The following PIGX variants were observed in gnomAD, a reference collection of about 807,000 sequenced individuals.
PIGX encodes GPI alpha-1,4-mannosyltransferase I, stabilizing subunit.
A neutral mutation model predicts 28.7 loss-of-function variants in PIGX; 24 were observed. The observed-to-expected ratio is 0.84, with a 90% CI of 0.60 to 1.17. The LOEUF (loss-of-function observed/expected upper bound fraction) is 1.17, where lower values mean the gene tolerates loss of function less well. PIGX is among the 50% of genes most tolerant of loss of function. The probability of loss-of-function intolerance (pLI) is 0.00; values close to 1 mark genes in which losing one functional copy is unlikely to be tolerated. For synonymous variants in PIGX, 127 were observed against 121.0 expected (o/e 1.05, Z -0.33); for missense variants, 305 against 317.8 (o/e 0.96, Z 0.31).
At chr3:196,732,237 TATATA>T in intron 5 of PIGX, among the ~76,000 whole-genome samples, 1 of 63,208 alleles carries the variant, frequency 1.6e-5, no homozygotes, top group Non-Finnish European at 3.0e-5. Context: ...TATATATATA[TATATA>T]TATATATATA....
At chr3:196,717,998 C>T (rs1218806732) in intron 2 of PIGX, 3 of 151,948 alleles carry the variant, frequency 2.0e-5, no homozygotes, top group Non-Finnish European at 4.4e-5. Flanking sequence ...TATGTAAATT[C>T]TGATTCATTT....
chr3:196,732,266 A>T (rs1193641586), intron 5 of PIGX, among the ~76,000 whole-genome samples: 2,445 of 39,344 alleles, frequency 0.062, 127 homozygotes, highest in African/African-American at 0.09. Context: ...ATTTTATTTT[A>T]TTTTATTTTT....
intron 2 of PIGX, among the ~76,000 whole-genome samples, chr3:196,718,326 A>AG (rs1712183708): frequency 6.6e-6 from 1 of 151,716 alleles, no homozygotes; most frequent in Non-Finnish European, 1.5e-5. Context: ...GAAAAAAAAA[A>AG]GGGGGGGAAG....
intron 1 of PIGX, chr3:196,713,031 T>A: frequency 1.0e-6 from 1 of 987,358 alleles, no homozygotes; most frequent in Non-Finnish European, 1.2e-6. Flanking sequence ...AATGTAGGAC[T>A]CCGTGGCAAA....
intron 1 of PIGX, among the ~76,000 whole-genome samples, chr3:196,713,308 G>A (rs543778442): frequency 3.8e-4 from 1 of 2,646 alleles, no homozygotes; most frequent in African/African-American, 1.7e-3. Flanking sequence ...AGGCCAAGAA[G>A]ATTTTTTTTT....
intron 2 of PIGX, 115 bp downstream of exon 2, chr3:196,717,036 C>G (rs1172445076): frequency 6.3e-6 from 4 of 639,144 alleles, no homozygotes; most frequent in African/African-American, 5.6e-5. Context: ...TGCGGTGGCT[C>G]TCATCTGTAA....
chr3:196,715,548 T>TCA (rs887070484), intron 1 of PIGX, among the ~76,000 whole-genome samples: 1 of 152,264 alleles, frequency 6.6e-6, no homozygotes, highest in Non-Finnish European at 1.5e-5. Flanking sequence ...TATTCTTTTT[T>TCA]CATTCCTTCA....
chr3:196,727,111 C>T (rs1044273213), intron 3 of PIGX, among the ~76,000 whole-genome samples: 1 of 152,072 alleles, frequency 6.6e-6, no homozygotes. Context: ...TTAATGCATA[C>T]CAGGGTTTTG....
chr3:196,719,586 A>C (rs1471643530), intron 2 of PIGX, among the ~76,000 whole-genome samples: 3 of 152,160 alleles, frequency 2.0e-5, no homozygotes, highest in Non-Finnish European at 4.4e-5. Flanking sequence ...CCTTCAAATA[A>C]TTTTATTCCA....
intron 5 of PIGX, among the ~76,000 whole-genome samples, chr3:196,732,240 A>T (rs868809418): frequency 2.5e-4 from 13 of 52,098 alleles, no homozygotes; most frequent in African/African-American, 7.1e-4. Flanking sequence ...ATATATATAT[A>T]TATATATATA....
chr3:196,713,386 C>A (rs531258851), intron 1 of PIGX, among the ~76,000 whole-genome samples: 15 of 151,978 alleles, frequency 9.9e-5, no homozygotes, highest in African/African-American at 3.4e-4. Context: ...CTGCAACCTC[C>A]GCCTTTCCCA....
intron 2 of PIGX, 73 bp downstream of exon 2, chr3:196,716,994 G>A: frequency 1.1e-6 from 1 of 934,402 alleles, no homozygotes; most frequent in South Asian, 1.4e-5. Context: ...ATTGATGGTT[G>A]AAATTTGTAT....
chr3:196,729,058 G>A (rs753165012), intron 4 of PIGX, among the ~76,000 whole-genome samples: 2 of 152,274 alleles, frequency 1.3e-5, no homozygotes, highest in East Asian at 3.9e-4. Context: ...TTGCTGCCGG[G>A]CGAGGTGGCT....
At chr3:196,717,074 G>A (rs1407932281) in intron 2 of PIGX, among the ~76,000 whole-genome samples, 153 bp downstream of exon 2, 2 of 152,072 alleles carry the variant, frequency 1.3e-5, no homozygotes, top group African/African-American at 2.4e-5. Flanking sequence ...GCCGAGGCAG[G>A]CGGATCACAA....
intron 1 of PIGX, chr3:196,712,916 A>G: frequency 1.4e-5 from 14 of 1,033,342 alleles, no homozygotes; most frequent in Non-Finnish European, 1.6e-5. Context: ...AAGGAAAGTC[A>G]GCCGTCAAGC....
At chr3:196,730,747 CAAAAAAAAAAAA>C (rs965830812) in intron 4 of PIGX, among the ~76,000 whole-genome samples, 3 of 40,732 alleles carry the variant, frequency 7.4e-5, no homozygotes, top group Non-Finnish European at 1.6e-4. Flanking sequence ...GACTCTGTCT[CAAAAAAAAAAAA>C]AAAAAAAAAA....
At chr3:196,729,201 C>T (rs1190387675) in intron 4 of PIGX, among the ~76,000 whole-genome samples, 1 of 151,746 alleles carries the variant, frequency 6.6e-6, no homozygotes, top group South Asian at 2.1e-4. Context: ...GGAGAGGTGG[C>T]GGGCGTCTGT....
At chr3:196,715,110 A>G (rs1202339821) in intron 1 of PIGX, among the ~76,000 whole-genome samples, 4 of 152,156 alleles carry the variant, frequency 2.6e-5, no homozygotes, top group African/African-American at 9.7e-5. Flanking sequence ...AAATAAAAAA[A>G]GAACAAATAA....
chr3:196,714,523 G>A (rs1171594195), intron 1 of PIGX, among the ~76,000 whole-genome samples: 4 of 150,148 alleles, frequency 2.7e-5, no homozygotes, highest in African/African-American at 2.5e-5. Flanking sequence ...GTGCAGTGGC[G>A]CAATCTCGGC....
Sources: allele counts gnomAD v4.1 joint callset (sites outside exome capture counted in the v4.1 genomes callset), GRCh38; gene constraint gnomAD v4.1.1; transcripts MANE v1.5; gene names NCBI Gene and HGNC (gene_info 2026-07-23, HGNC 2026-07-21).